NOL4: variants seen among roughly 807,000 people sequenced by gnomAD.
NOL4 encodes nucleolar protein 4, also known as cancer/testis antigen 125.
NOL4 carries 17 observed loss-of-function variants against 75.9 expected under a neutral mutation model. The ratio of observed to expected loss-of-function variants is 0.22; its 90% CI spans 0.15 to 0.34. The LOEUF (loss-of-function observed/expected upper bound fraction) is 0.34, where lower values mean the gene tolerates loss of function less well. Among genes scored for constraint, NOL4 ranks in the 10% least tolerant of loss-of-function variants. The pLI is 1.00. For synonymous variants in NOL4, 292 were observed against 289.9 expected (o/e 1.01, Z -0.07); for missense variants, 614 against 793.5 (o/e 0.77, Z 2.72).
At chr18:34,013,880 T>C (rs1157663244) in intron 6 of NOL4, among the ~76,000 whole-genome samples, 1 of 151,962 alleles carries the variant, frequency 6.6e-6, no homozygotes, top group Non-Finnish European at 1.5e-5. Context: ...ACTATTGTTG[T>C]TTCTACCCTG....
chr18:33,961,196 G>A (rs1029134469), intron 6 of NOL4, among the ~76,000 whole-genome samples: 12 of 151,978 alleles, frequency 7.9e-5, no homozygotes, highest in African/African-American at 2.4e-4. Context: ...AGGATGACAC[G>A]GTGTCCAGGT....
At chr18:34,035,215 C>T (rs1280172711) in intron 5 of NOL4, among the ~76,000 whole-genome samples, 1 of 152,096 alleles carries the variant, frequency 6.6e-6, no homozygotes, top group Non-Finnish European at 1.5e-5. Context: ...ATATGTTAGG[C>T]CACAAAGCAA....
intron 9 of NOL4, among the ~76,000 whole-genome samples, chr18:33,895,676 A>G (rs1003828323): frequency 5.9e-5 from 9 of 152,126 alleles, no homozygotes; most frequent in African/African-American, 1.9e-4. Flanking sequence ...ATAGCCATCT[A>G]TGGTAAACCC....
intron 9 of NOL4, among the ~76,000 whole-genome samples, chr18:33,891,887 C>T (rs751537414): frequency 3.3e-5 from 5 of 152,076 alleles, no homozygotes; most frequent in Non-Finnish European, 5.9e-5. Flanking sequence ...TGTAGGGATT[C>T]ATTTGTATTC....
At chr18:34,162,641 C>A (rs2031684086) in intron 1 of NOL4, among the ~76,000 whole-genome samples, 1 of 152,158 alleles carries the variant, frequency 6.6e-6, no homozygotes, top group Admixed American at 6.5e-5. Context: ...GGATTCACAG[C>A]TGAATTCTAC....
chr18:34,206,183 C>T (rs896951241), intron 1 of NOL4, among the ~76,000 whole-genome samples: 1 of 151,982 alleles, frequency 6.6e-6, no homozygotes, highest in South Asian at 2.1e-4. Context: ...TAGTTTAAAC[C>T]CTTTCTGGTC....
At position 33,995,474 on chromosome 18, in the gene NOL4, T is replaced by C. The variant is rs193278642; in HGVS notation, c.1056+23844A>G. On this transcript the variant is annotated intron_variant, in intron 6 of 10. Coordinates refer to ENST00000261592, the MANE Select transcript of NOL4 (RefSeq NM_003787.5). Reference sequence around the variant, plus strand: ...TTAATATCTAAAAAACTGTCAATCATATCAACAGAATAAAAATATTGTCTC... The same window carrying C: ...TTAATATCTAAAAAACTGTCAATCACATCAACAGAATAAAAATATTGTCTC... Among the ~76,000 whole-genome samples the C allele has an allele frequency of 4.8e-3, 727 of 151,726 alleles. 3 individuals carry two copies. The highest frequency in any genetic ancestry group is 8.2e-3 in the Admixed American group (125 of 15,186).
rs12966162 is a variant in NOL4, at chr18:33,889,509, A to C, written c.1543-6085T>G. ...CTGAAACTATTTCAATCAATAGAAA[A>C]AGAGGGAAACCTCCCTAACTCATTT... On this transcript the variant is annotated intron_variant, in intron 9 of 10. Coordinates refer to ENST00000261592, the MANE Select transcript of NOL4 (RefSeq NM_003787.5). Among the ~76,000 whole-genome samples, 1,237 of 152,290 alleles carry C rather than the reference A, an allele frequency of 8.1e-3. 8 individuals are homozygous for C. The highest frequency in any genetic ancestry group is 0.028 in the South Asian group (134 of 4,832).
rs116380811 is a variant in NOL4 at position 34,053,105 on chromosome 18, G to T, written c.773-33504C>A. Among the ~76,000 whole-genome samples, 1,348 of 151,996 alleles carry T rather than the reference G, an allele frequency of 8.9e-3. 17 individuals carry two copies. Among genetic ancestry groups the T allele is most frequent in the African/African-American group, 0.031 (1,269 of 41,486 alleles). ...GAATATGAACATACATTGCTAATAG[G>T]TAGAGAACTTTTGGAACTCTTAAAA... is the stretch of plus-strand genomic sequence containing the variant. On this transcript the variant is annotated intron_variant, in intron 5 of 10. Transcript: ENST00000261592.
At chr18:34,024,188 A>ATATATATATATATATATATATAT (rs1333196318) in intron 5 of NOL4, among the ~76,000 whole-genome samples, 6 of 64,584 alleles carry the variant, frequency 9.3e-5, no homozygotes, top group South Asian at 3.6e-4. Context: ...CAGGAAAAAA[A>ATATATATATATATATATATATAT]AAAAAAATAT....
intron 6 of NOL4, among the ~76,000 whole-genome samples, chr18:34,009,984 T>C (rs900854161): frequency 6.6e-6 from 1 of 151,892 alleles, no homozygotes; most frequent in African/African-American, 2.4e-5. Context: ...GTACTCAATA[T>C]ACACTTTCAT....
intron 9 of NOL4, among the ~76,000 whole-genome samples, chr18:33,935,417 G>A (rs2067990620): frequency 6.6e-6 from 1 of 152,038 alleles, no homozygotes; most frequent in African/African-American, 2.4e-5. Context: ...GAATCAGAAA[G>A]GCTGAAGAAA....
chr18:33,918,797 C>T (rs1389704636), intron 9 of NOL4, among the ~76,000 whole-genome samples: 3 of 151,996 alleles, frequency 2.0e-5, no homozygotes, highest in African/African-American at 7.3e-5. Context: ...AGGGACCAAG[C>T]GAAACTAAAG....
intron 9 of NOL4, among the ~76,000 whole-genome samples, chr18:33,909,067 TTTAAG>T (rs1234431025): frequency 6.6e-6 from 1 of 152,156 alleles, no homozygotes; most frequent in African/African-American, 2.4e-5. Flanking sequence ...CAACTTGTTA[TTTAAG>T]TTGTTAATTT....
chr18:33,936,158 A>C (rs965004499), intron 9 of NOL4, among the ~76,000 whole-genome samples: 2 of 152,170 alleles, frequency 1.3e-5, no homozygotes, highest in African/African-American at 4.8e-5. Flanking sequence ...ATAGTTTTAA[A>C]AAAAAGTCAT....
intron 5 of NOL4, among the ~76,000 whole-genome samples, chr18:34,065,092 G>T (rs2077218828): frequency 6.6e-6 from 1 of 151,806 alleles, no homozygotes; most frequent in Non-Finnish European, 1.5e-5. Context: ...GAATAAAAAG[G>T]GTTAGATAAT....
chr18:33,929,674 C>A (rs2067560028), intron 9 of NOL4, among the ~76,000 whole-genome samples: 1 of 152,126 alleles, frequency 6.6e-6, no homozygotes, highest in Non-Finnish European at 1.5e-5. Context: ...AAAAGTTATT[C>A]TTCCTCACTT....
chr18:34,143,090 G>C (rs1600714473), intron 1 of NOL4, among the ~76,000 whole-genome samples: 1 of 151,674 alleles, frequency 6.6e-6, no homozygotes, highest in East Asian at 1.9e-4. Flanking sequence ...GGAGGGAAGG[G>C]AAGGGAAGCG....
intron 1 of NOL4, among the ~76,000 whole-genome samples, chr18:34,168,854 A>G (rs1387819180): frequency 6.6e-6 from 1 of 151,898 alleles, no homozygotes; most frequent in Non-Finnish European, 1.5e-5. Flanking sequence ...TTTACAGTTA[A>G]AAGTAGTGGA....
Sources: allele counts gnomAD v4.1 joint callset (sites outside exome capture counted in the v4.1 genomes callset), GRCh38; gene constraint gnomAD v4.1.1; transcripts MANE v1.5; gene names NCBI Gene and HGNC (gene_info 2026-07-23, HGNC 2026-07-21).